The following DLG4 variants were observed in gnomAD, a reference collection of about 807,000 sequenced individuals.
DLG4 encodes discs large MAGUK scaffold protein 4, also known as disks large homolog 4.
In DLG4, 7 loss-of-function variants were observed where a neutral mutation model predicts 93.8. The observed-to-expected ratio is 0.07, with a 90% CI of 0.04 to 0.14. DLG4 has a LOEUF of 0.14. DLG4 is among the 10% of genes least tolerant of loss of function. The pLI, the probability that DLG4 is intolerant of heterozygous loss-of-function variation, is 1.00. For missense variants in DLG4, 545 were observed against 992.9 expected (o/e 0.55, Z 6.06); for synonymous variants, 341 against 387.6 (o/e 0.88, Z 1.41).
At chr17:7,192,060 G>T in intron 17 of DLG4, 58 bp from the exon 18 acceptor site, 1 of 1,025,290 alleles carries the variant, frequency 9.8e-7, no homozygotes, top group Non-Finnish European at 1.4e-6. Context: ...AGGACAGAGA[G>T]CAGTGCCGGA....
chr17:7,211,825 G>A (rs1246017971), intron 1 of DLG4: 1 of 67,118 alleles, frequency 1.5e-5, no homozygotes, highest in Non-Finnish European at 3.2e-5. Flanking sequence ...CTGCGGCGGG[G>A]GGGGGGGGGG....
At position 7,194,496 on chromosome 17, in the gene DLG4, C is replaced by CT. The variant is rs1280213382; in HGVS notation, c.1302-2dup. 1 of 1,601,502 alleles carries CT rather than the reference C, an allele frequency of 6.2e-7. No individual in the cohort carries two copies. Among genetic ancestry groups the CT allele is most frequent in the Non-Finnish European group, 8.5e-7 (1 of 1,174,324 alleles). ...GGTCTTGTCGTAATCAAACAGGGCC[C>CT]TGGAGGGCAAGTGGCTATCGGTCAG... On this transcript the variant is annotated splice_acceptor_variant, in intron 11 of 19. Coordinates refer to ENST00000399506, the MANE Select transcript of DLG4 (RefSeq NM_001321075.3). LOFTEE classifies it high-confidence loss of function. This position sits in a 1 kb window ranked among gnomAD's most constrained non-coding sequence, Gnocchi z 4.4.
chr17:7,189,299 G>A lies in DLG4; in HGVS notation c.*1409C>T, dbSNP rs567248340. The stretch of plus-strand genomic sequence containing the variant: ...AAGGTCAGGAGTTCAAGACCAGCCT[G>A]ACCAACATGGTGAAACCCCATCTCT... On this transcript the variant is annotated 3_prime_UTR_variant, in exon 20 of 20. Coordinates refer to ENST00000399506, the MANE Select transcript of DLG4 (RefSeq NM_001321075.3). Among the ~76,000 whole-genome samples the A allele has an allele frequency of 2.0e-5, 3 of 151,846 alleles. No homozygotes were observed. The highest frequency in any genetic ancestry group is 2.1e-4 in the South Asian group (1 of 4,804).
chr17:7,190,899 G>A (rs1448257235), intron 19 of DLG4, 85 bp from the exon 20 acceptor site: 2 of 1,099,262 alleles, frequency 1.8e-6, no homozygotes, highest in Non-Finnish European at 2.8e-6. Context: ...CCAGAGGAAG[G>A]GGCACCTCTT....
Position 7,194,230 on chromosome 17 carries a change from A to T in DLG4, c.1478+89T>A. ...ACAAACCCCTAGGAGTTCAGAGGGC[A>T]AACCCATCCCCTGTTGGCTGCCCAC... On this transcript the variant is annotated intron_variant, in intron 12 of 19. Coordinates refer to ENST00000399506, the MANE Select transcript of DLG4 (RefSeq NM_001321075.3). This position sits in a 1 kb window ranked among gnomAD's most constrained non-coding sequence, Gnocchi z 4.4. 2.0e-6 allele frequency: 3 copies of T among 1,498,254 alleles called. No individual in the cohort carries two copies. The highest frequency in any genetic ancestry group is 2.7e-6 in the Non-Finnish European group (3 of 1,115,236). The allele number at this position is 1,498,254 out of a possible 1,614,324, so 92.8% of individuals were successfully genotyped here. A position where few individuals can be genotyped will look rare whatever the true frequency, so the allele number is the denominator to read the frequency against.
At chr17:7,197,144 A>C in intron 8 of DLG4, 92 bp from the exon 9 acceptor site, 2 of 1,273,368 alleles carry the variant, frequency 1.6e-6, no homozygotes, top group Non-Finnish European at 2.1e-6. Flanking sequence ...AGCCAAAGTT[A>C]GGTGGAAGGG....
chr17:7,188,053 A>G lies in DLG4; in HGVS notation c.*2655T>C, dbSNP rs2069339649. 7.1e-6 allele frequency among the ~76,000 whole-genome samples: 1 copy of G among 140,876 alleles called. No individual in the cohort carries two copies. Among genetic ancestry groups the G allele is most frequent in the African/African-American group, 2.7e-5 (1 of 36,874 alleles). The allele number at this position is 140,876 out of a possible 152,430, so 92.4% of individuals were successfully genotyped here. A position where few individuals can be genotyped will look rare whatever the true frequency, so the allele number is the denominator to read the frequency against. On this transcript the variant is annotated 3_prime_UTR_variant, in exon 20 of 20. Coordinates refer to ENST00000399506, the MANE Select transcript of DLG4 (RefSeq NM_001321075.3). ...CCATTGCACTCCAGCTTGGGCAACA[A>G]AAGTGAAACTCGACCTCAAAAAAAA...
intron 8 of DLG4, among the ~76,000 whole-genome samples, chr17:7,198,568 G>C (rs1285682494): frequency 6.6e-6 from 1 of 151,906 alleles, no homozygotes; most frequent in Admixed American, 6.6e-5. Context: ...AGTTAGCTGA[G>C]GCTGGGCGCA....
At chr17:7,219,953 C>A, upstream of DLG4, 7 of 1,101,122 alleles carry the variant, frequency 6.4e-6, no homozygotes, top group Non-Finnish European at 9.2e-6. Flanking sequence ...TGGGTCAGAG[C>A]TCGAGCCAGC....
chr17:7,217,755 A>T, upstream of DLG4: 8 of 1,535,348 alleles, frequency 5.2e-6, no homozygotes, highest in Non-Finnish European at 7.0e-6. Context: ...GCAGAAGCAC[A>T]GAGGCCCCTG....
chr17:7,218,334 C>T, upstream of DLG4: 2 of 1,564,158 alleles, frequency 1.3e-6, no homozygotes, highest in Non-Finnish European at 1.7e-6. Context: ...TCTCCAGGCA[C>T]ATCACCCCTG....
Position 7,193,628 on chromosome 17 carries a change from G to A in DLG4, c.1591+39C>T, listed in dbSNP as rs768656924. 3 of 1,530,200 alleles carry A rather than the reference G, an allele frequency of 2.0e-6. No homozygotes were observed. Among genetic ancestry groups the A allele is most frequent in the Non-Finnish European group, 2.6e-6 (3 of 1,141,194 alleles). 94.8% of individuals were successfully genotyped at this position (1,530,200 alleles called of 1,614,324 possible). On this transcript the variant is annotated intron_variant, in intron 15 of 19. Coordinates refer to ENST00000399506, the MANE Select transcript of DLG4 (RefSeq NM_001321075.3). The surrounding 1 kb of genome is among the most constrained non-coding windows in gnomAD (Gnocchi z 6.7). ...TTAGGCCGAGCGCAGGGTTGGGGGAGCAGCAAGTGCTGGGGCCAAGGCAGG... is the reference window on the plus strand; with the variant it reads ...TTAGGCCGAGCGCAGGGTTGGGGGAACAGCAAGTGCTGGGGCCAAGGCAGG...
chr17:7,217,886 TAC>T (rs1375986729), upstream of DLG4: 8 of 1,446,582 alleles, frequency 5.5e-6, no homozygotes, highest in Non-Finnish European at 7.5e-6. Flanking sequence ...GTTATTTGAA[TAC>T]GGGAGGGAGG....
chr17:7,219,870 C>A, upstream of DLG4: 2 of 1,539,718 alleles, frequency 1.3e-6, no homozygotes, highest in African/African-American at 2.7e-5. Flanking sequence ...CGCAACCGTC[C>A]GCCGCCCGGT....
rs2069355382 is a variant in DLG4 at position 7,188,542 on chromosome 17, A to G, written c.*2166T>C. Among the ~76,000 whole-genome samples, 1 of 152,214 alleles carries G rather than the reference A, an allele frequency of 6.6e-6. No individual in the cohort carries two copies. The highest frequency in any genetic ancestry group is 2.1e-4 in the South Asian group (1 of 4,830). ...AACACATGAAGAAGGCAGAAGGCTG[A>G]GAGTCACCATTCTACATAGCAGGAT... On this transcript the variant is annotated 3_prime_UTR_variant, in exon 20 of 20. Coordinates refer to ENST00000399506, the MANE Select transcript of DLG4 (RefSeq NM_001321075.3).
rs373967879 is a variant in DLG4, at chr17:7,195,076, G to A, written c.1302-581C>T. ...ACAGAAAGCAGTGTGCAGTACACAC[G>A]CACATCATAAAGTCACAGGGGTAAC... On this transcript the variant is annotated intron_variant, in intron 11 of 19. Coordinates refer to ENST00000399506, the MANE Select transcript of DLG4 (RefSeq NM_001321075.3). The surrounding 1 kb of genome is among the most constrained non-coding windows in gnomAD (Gnocchi z 4.3). Among the ~76,000 whole-genome samples, 7 of 151,566 alleles carry A rather than the reference G, an allele frequency of 4.6e-5. No homozygotes were observed. The East Asian group carries it at 7.7e-4, about 17-fold the overall frequency.
chr17:7,204,176 G>A, intron 3 of DLG4, 23 bp downstream of exon 3: 1 of 1,606,346 alleles, frequency 6.2e-7, no homozygotes, highest in Non-Finnish European at 8.5e-7. Context: ...AATGGCCCCA[G>A]CCCCAAAATC....
upstream of DLG4, chr17:7,218,756 G>A (rs999391400): frequency 6.3e-6 from 10 of 1,595,452 alleles, no homozygotes; most frequent in African/African-American, 1.3e-4. Context: ...GAAAGATTTG[G>A]GGAGAAGGAT....
Position 7,217,589 on chromosome 17 carries a change from G to C in DLG4, c.-442C>G. ...GGGGGTTGGAAACGGCAGCGGCCGA[G>C]GGAGCCGTGGAGCCGAAGAGGGAAG... On this transcript the variant is annotated 5_prime_UTR_variant, in exon 1 of 20. Coordinates refer to ENST00000399506, the MANE Select transcript of DLG4 (RefSeq NM_001321075.3). 7.8e-6 allele frequency: 11 copies of C among 1,402,070 alleles called. No homozygotes were observed. In the East Asian group the frequency reaches 8.2e-5, roughly 11 times the overall value. The allele number at this position is 1,402,070 out of a possible 1,614,324, so 86.9% of individuals were successfully genotyped here.
Sources: allele counts gnomAD v4.1 joint callset (sites outside exome capture counted in the v4.1 genomes callset), GRCh38; gene constraint gnomAD v4.1.1; non-coding constraint Gnocchi (gnomAD v3.1); transcripts MANE v1.5; gene names NCBI Gene and HGNC (gene_info 2026-07-23, HGNC 2026-07-21).